Variants in VWDE observed in about 807,000 individuals in gnomAD.
VWDE encodes the protein von Willebrand factor D and EGF domains.
Under a neutral mutation model 178.4 loss-of-function variants are expected in VWDE, and 207 were observed. The ratio of observed to expected loss-of-function variants is 1.16; its 90% CI spans 1.04 to 1.30. The LOEUF is 1.30. Ranked by LOEUF, VWDE falls within the 50% of genes most tolerant of loss-of-function variation. The pLI, the probability that VWDE is intolerant of heterozygous loss-of-function variation, is 0.00. For synonymous variants in VWDE, 738 were observed against 651.4 expected (o/e 1.13, Z -2.02); for missense variants, 2,287 against 1,901.3 (o/e 1.20, Z -3.77).
intron 1 of VWDE, among the ~76,000 whole-genome samples, chr7:12,395,449 C>G (rs1341483005): frequency 6.6e-6 from 1 of 152,074 alleles, no homozygotes; most frequent in Non-Finnish European, 1.5e-5. Flanking sequence ...AGTATTCCTC[C>G]TTACTCAGCA....
rs1209791020 is a variant in VWDE, at chr7:12,361,254, G to C, written c.3055-3C>G. ...AATTTATAACCATCATTAGATACCTGTAACATAATAGTTCTATAATAAGAT... is the reference window on the plus strand; with the variant it reads ...AATTTATAACCATCATTAGATACCTCTAACATAATAGTTCTATAATAAGAT... On this transcript the variant is annotated splice_polypyrimidine_tract_variant and splice_region_variant and intron_variant, in intron 14 of 28. Transcript: ENST00000275358. 1 of 1,539,646 alleles carries C rather than the reference G, an allele frequency of 6.5e-7. No homozygotes were observed. The highest frequency in any genetic ancestry group is 8.8e-7 in the Non-Finnish European group (1 of 1,138,128).
In VWDE at chr7:12,369,556, C is replaced by T; in HGVS notation, c.2750G>A (p.Ser917Asn). 1 of 1,532,626 alleles carries T rather than the reference C, an allele frequency of 6.5e-7. No homozygotes were observed. The highest frequency in any genetic ancestry group is 8.8e-7 in the Non-Finnish European group (1 of 1,133,432). The allele number at this position is 1,532,626 out of a possible 1,614,324, so 94.9% of individuals were successfully genotyped here. A position where few individuals can be genotyped will look rare whatever the true frequency, so the allele number is the denominator to read the frequency against. The change falls in exon 12 of 29, where the codon AGT (serine) becomes AAT (asparagine). Residue 917 changes from serine (S) to asparagine (N), a missense_variant. Ser to Asn is a conservative substitution (Grantham distance 46). Transcript: ENST00000275358. Reference protein sequence around the residue: ...CSPSFSSYDCSDSYDKAPEIT... With the variant: ...CSPSFSSYDCNDSYDKAPEIT... ...GAGTACTTACTTACCATAGGAATCA[C>T]TGCAGTCATAGGAACTAAAGCTTGG...
intron 27 of VWDE, among the ~76,000 whole-genome samples, chr7:12,334,320 A>G (rs1780893793): frequency 6.6e-6 from 1 of 152,200 alleles, no homozygotes; most frequent in African/African-American, 2.4e-5. Context: ...AACAATATTG[A>G]GTGAAAATGA....
chr7:12,357,200 A>C (rs1782294794), intron 17 of VWDE, 65 bp downstream of exon 17: 2 of 1,510,434 alleles, frequency 1.3e-6, no homozygotes, highest in Non-Finnish European at 1.8e-6. Flanking sequence ...TTGTATTTTA[A>C]ATTCAAATAA....
In VWDE at chr7:12,370,091, T is replaced by C; in HGVS notation, c.2215A>G (p.Ser739Gly). The C allele has an allele frequency of 1.9e-6, 3 of 1,551,614 alleles. No individual in the cohort carries two copies. The highest frequency in any genetic ancestry group is 2.6e-6 in the Non-Finnish European group (3 of 1,146,904). The change falls in exon 12 of 29, where the codon AGC (serine) becomes GGC (glycine). Residue 739 changes from serine (S) to glycine (G), a missense_variant. Transcript: ENST00000275358. The stretch of plus-strand genomic sequence containing the variant: ...TGTCGATTGTACCTCATTTCTTGGC[T>C]GTGGCTTCCCCGGCCTTGTGTATAT... ...KKYTQGRGSH[S>G]QEMRYNRQNR...
At chr7:12,395,841 T>G (rs1784596773) in intron 1 of VWDE, among the ~76,000 whole-genome samples, 1 of 152,116 alleles carries the variant, frequency 6.6e-6, no homozygotes, top group Admixed American at 6.6e-5. Flanking sequence ...ATTGATGGCT[T>G]GGGCTCTCAT....
At chr7:12,381,765 T>A (rs2128558971) in intron 4 of VWDE, among the ~76,000 whole-genome samples, 1 of 151,912 alleles carries the variant, frequency 6.6e-6, no homozygotes, top group East Asian at 1.9e-4. Context: ...TATATCTGAG[T>A]AAAAATTTAT....
intron 15 of VWDE, 23 bp from the exon 16 acceptor site, chr7:12,359,715 G>A: frequency 2.8e-6 from 4 of 1,427,436 alleles, no homozygotes; most frequent in South Asian, 1.3e-5. Flanking sequence ...TTTTAAAAAA[G>A]AAAACATCAA....
intron 9 of VWDE, among the ~76,000 whole-genome samples, chr7:12,373,454 G>A (rs1163418653): frequency 6.6e-6 from 1 of 151,986 alleles, no homozygotes; most frequent in African/African-American, 2.4e-5. Context: ...AGCAGGGCAG[G>A]CTGGCTCAAT....
chr7:12,350,924 CA>C (rs1339654202), intron 19 of VWDE, among the ~76,000 whole-genome samples: 13 of 152,034 alleles, frequency 8.6e-5, no homozygotes, highest in Non-Finnish European at 1.6e-4. Flanking sequence ...TTGCAAAAAA[CA>C]ATTATTGTCT....
chr7:12,389,137 G>A lies in VWDE; in HGVS notation c.465C>T (p.Tyr155=). 6.5e-7 allele frequency: 1 copy of A among 1,546,148 alleles called. No homozygotes were observed. Among genetic ancestry groups the A allele is most frequent in the Non-Finnish European group, 8.8e-7 (1 of 1,141,704 alleles). The stretch of plus-strand genomic sequence containing the variant: ...CTGGTGTTTTCTTACCTTCCGCACA[G>A]TAGCCCATACATCCCTGAGTTGGTT... ...LLQPTQGCMG[Y]CAEAISDARL... The change falls in exon 3 of 29, where the codon TAC becomes TAT. Residue 155 remains tyrosine (Y), a synonymous_variant. Coordinates refer to ENST00000275358, the MANE Select transcript of VWDE (RefSeq NM_001135924.3).
intron 19 of VWDE, among the ~76,000 whole-genome samples, chr7:12,346,995 C>T (rs1412960462): frequency 6.6e-6 from 1 of 152,048 alleles, no homozygotes; most frequent in African/African-American, 2.4e-5. Flanking sequence ...GTGAGGACTT[C>T]GTGAAACATA....
In VWDE at chr7:12,330,999, G is replaced by A. The variant is rs1780686715; in HGVS notation, c.*184C>T. The A allele has an allele frequency of 2.0e-6, 1 of 508,684 alleles. No individual in the cohort carries two copies. The highest frequency in any genetic ancestry group is 3.4e-6 in the Non-Finnish European group (1 of 290,528). The allele number at this position is 508,684 out of a possible 1,614,324, so 31.5% of individuals were successfully genotyped here. A position where few individuals can be genotyped will look rare whatever the true frequency, so the allele number is the denominator to read the frequency against. ...TCTCAACATCAAATTTAGATTACCT[G>A]GATTTCTTCTTTGCTTTTCTCTATG... On this transcript the variant is annotated 3_prime_UTR_variant, in exon 29 of 29. Coordinates refer to ENST00000275358, the MANE Select transcript of VWDE (RefSeq NM_001135924.3).
chr7:12,388,905 T>A (rs1364911531), intron 3 of VWDE: 1 of 692,524 alleles, frequency 1.4e-6, no homozygotes, highest in East Asian at 2.8e-5. Flanking sequence ...ATGTGAGATG[T>A]CTGTTTTGAT....
chr7:12,393,481 C>CAAAATTAA (rs1357060482), intron 2 of VWDE, 113 bp downstream of exon 2: 2 of 950,968 alleles, frequency 2.1e-6, no homozygotes, highest in African/African-American at 3.4e-5. Context: ...TAACTCAATA[C>CAAAATTAA]AAAATTAAAA....
chr7:12,396,164 C>T (rs10085906), intron 1 of VWDE, among the ~76,000 whole-genome samples: 1 of 151,922 alleles, frequency 6.6e-6, no homozygotes, highest in African/African-American at 2.4e-5. Context: ...CAAATAATTT[C>T]CTTTTTTTAT....
rs1377255764 is a variant in VWDE at position 12,333,456 on chromosome 7, CT to C, written c.4758+8del. 3 of 1,515,740 alleles carry C rather than the reference CT, an allele frequency of 2.0e-6. No individual in the cohort carries two copies. The East Asian group carries it at 7.5e-5, about 38-fold the overall frequency. 93.9% of individuals were successfully genotyped at this position (1,515,740 alleles called of 1,614,324 possible). ...CTAATATTTATTTTCTCTTTAAACT[CT>C]GAAATACCTGTATTTTCTTCTCACA... On this transcript the variant is annotated splice_region_variant and intron_variant, in intron 28 of 28. Transcript: ENST00000275358.
Position 12,367,494 on chromosome 7 carries a change from C to A in VWDE, c.2762-1G>T. 6.7e-7 allele frequency: 1 copy of A among 1,488,000 alleles called. No homozygotes were observed. Among genetic ancestry groups the A allele is most frequent in the South Asian group, 1.4e-5 (1 of 72,616 alleles). 92.2% of individuals were successfully genotyped at this position (1,488,000 alleles called of 1,614,324 possible). Reference sequence around the variant, plus strand: ...AGCTCTGTAATTTCAGGAGCTTTGTCTTTGGAAAAAAAATATAACAAATAC... The same window carrying A: ...AGCTCTGTAATTTCAGGAGCTTTGTATTTGGAAAAAAAATATAACAAATAC... On this transcript the variant is annotated splice_acceptor_variant, in intron 12 of 28. Transcript: ENST00000275358. LOFTEE classifies it high-confidence loss of function.
intron 17 of VWDE, 129 bp downstream of exon 17, chr7:12,357,136 A>G (rs1299116977): frequency 8.0e-7 from 1 of 1,250,692 alleles, no homozygotes; most frequent in African/African-American, 1.5e-5. Flanking sequence ...CGGCAGTTTA[A>G]TTTTCCATAC....
Sources: allele counts gnomAD v4.1 joint callset (sites outside exome capture counted in the v4.1 genomes callset), GRCh38; gene constraint gnomAD v4.1.1; transcripts MANE v1.5; gene names NCBI Gene and HGNC (gene_info 2026-07-23, HGNC 2026-07-21).